The following RTN1 variants were observed in gnomAD, a reference collection of about 807,000 sequenced individuals.
RTN1 encodes reticulon 1.
In RTN1, 25 loss-of-function variants were observed where a neutral mutation model predicts 65.5. The observed-to-expected ratio is 0.38, with a 90% CI of 0.28 to 0.53. The LOEUF (loss-of-function observed/expected upper bound fraction) is 0.53. RTN1 is among the 20% of genes least tolerant of loss of function. RTN1 has a pLI of 0.79. For missense variants in RTN1, 983 were observed against 1,025.4 expected (o/e 0.96, Z 0.57); for synonymous variants, 471 against 447.6 (o/e 1.05, Z -0.66).
At chr14:59,693,895 G>T (rs763535761) in intron 3 of RTN1, among the ~76,000 whole-genome samples, 4 of 152,178 alleles carry the variant, frequency 2.6e-5, no homozygotes, top group Admixed American at 2.6e-4. Context: ...CACAATGGAT[G>T]AATGTGTTTA....
intron 1 of RTN1, among the ~76,000 whole-genome samples, chr14:59,808,812 C>A (rs1443780230): frequency 6.6e-6 from 1 of 152,000 alleles, no homozygotes; most frequent in African/African-American, 2.4e-5. Flanking sequence ...GTGGCACCTC[C>A]CCCTACTTTC....
chr14:59,832,805 T>C (rs1243942829), intron 1 of RTN1, among the ~76,000 whole-genome samples: 2 of 152,212 alleles, frequency 1.3e-5, no homozygotes, highest in Non-Finnish European at 2.9e-5. Flanking sequence ...CTGTGAAGGC[T>C]CTACAGTGAC....
At chr14:59,687,866 G>C (rs897039776) in intron 3 of RTN1, among the ~76,000 whole-genome samples, 6 of 152,062 alleles carry the variant, frequency 3.9e-5, no homozygotes, top group African/African-American at 1.4e-4. Flanking sequence ...CTCATGTGCA[G>C]AGATCTTGGT....
At chr14:59,664,215 G>T (rs564350433) in intron 3 of RTN1, among the ~76,000 whole-genome samples, 8 of 152,142 alleles carry the variant, frequency 5.3e-5, no homozygotes, top group Non-Finnish European at 1.0e-4. Context: ...ACTAACACAG[G>T]AACAGAAAAC....
At chr14:59,748,143 C>G (rs1885266593) in intron 1 of RTN1, among the ~76,000 whole-genome samples, 1 of 151,034 alleles carries the variant, frequency 6.6e-6, no homozygotes, top group Admixed American at 6.6e-5. Flanking sequence ...AGGATTCACA[C>G]CCAAGTAACC....
At chr14:59,720,679 G>A (rs1884628061) in intron 3 of RTN1, among the ~76,000 whole-genome samples, 2 of 149,928 alleles carry the variant, frequency 1.3e-5, no homozygotes, top group African/African-American at 2.5e-5. Context: ...CTGAGATCGC[G>A]CCACTGCACT....
intron 3 of RTN1, among the ~76,000 whole-genome samples, chr14:59,656,213 G>A (rs1431020696): frequency 6.6e-6 from 1 of 152,004 alleles, no homozygotes; most frequent in African/African-American, 2.4e-5. Context: ...GAGCTGGGAG[G>A]TGGGGGGAAT....
In RTN1 at chr14:59,846,119, C is replaced by T. The variant is rs1005574613; in HGVS notation, c.241+24271G>A. On this transcript the variant is annotated intron_variant, in intron 1 of 8. Transcript: ENST00000267484. This position sits in a 1 kb window ranked among gnomAD's most constrained non-coding sequence, Gnocchi z 4.8. ...TAGGTGGATCATTATAGGATGTCAA[C>T]CAGGTAGGAATTGAAGACAAGGTCA... Among the ~76,000 whole-genome samples, 4 of 152,024 alleles carry T rather than the reference C, an allele frequency of 2.6e-5. No individual in the cohort carries two copies. Among genetic ancestry groups the T allele is most frequent in the Non-Finnish European group, 5.9e-5 (4 of 68,008 alleles).
chr14:59,773,255 C>T (rs542773007), intron 1 of RTN1, among the ~76,000 whole-genome samples: 30 of 151,746 alleles, frequency 2.0e-4, no homozygotes, highest in Non-Finnish European at 3.5e-4. Flanking sequence ...GAAGTATTAC[C>T]GTGCCCAGTT....
chr14:59,625,808 G>GT (rs1882380923), intron 3 of RTN1, among the ~76,000 whole-genome samples: 1 of 151,914 alleles, frequency 6.6e-6, no homozygotes, highest in Non-Finnish European at 1.5e-5. Context: ...TCCTTAAAAA[G>GT]TTTTTCTTGA....
intron 2 of RTN1, among the ~76,000 whole-genome samples, chr14:59,736,567 G>A (rs1246751575): frequency 6.6e-6 from 1 of 151,882 alleles, no homozygotes; most frequent in African/African-American, 2.4e-5. Flanking sequence ...CCAGGACCAG[G>A]GACATTTACA....
chr14:59,723,395 A>T (rs1485821936), intron 3 of RTN1, among the ~76,000 whole-genome samples: 2 of 151,844 alleles, frequency 1.3e-5, no homozygotes, highest in East Asian at 3.9e-4. Flanking sequence ...TCACAAGGTC[A>T]GGAGATCAAG....
chr14:59,599,709 C>T (rs1403067125), intron 8 of RTN1, among the ~76,000 whole-genome samples: 1 of 152,160 alleles, frequency 6.6e-6, no homozygotes, highest in Non-Finnish European at 1.5e-5. Context: ...ATACACTGAT[C>T]TATTCTGAGT....
intron 3 of RTN1, among the ~76,000 whole-genome samples, chr14:59,698,462 G>A (rs971626424): frequency 3.9e-5 from 6 of 152,060 alleles, no homozygotes; most frequent in African/African-American, 1.2e-4. Context: ...ATCTCATCTT[G>A]AACTCCCACG....
chr14:59,737,053 A>G (rs1452513140), intron 2 of RTN1, among the ~76,000 whole-genome samples: 1 of 152,214 alleles, frequency 6.6e-6, no homozygotes, highest in Non-Finnish European at 1.5e-5. Context: ...CCCACTGCCA[A>G]TATCATACTA....
At chr14:59,850,273 C>G (rs1041081587) in intron 1 of RTN1, among the ~76,000 whole-genome samples, 1 of 152,202 alleles carries the variant, frequency 6.6e-6, no homozygotes, top group Non-Finnish European at 1.5e-5. Flanking sequence ...CAATGTATCT[C>G]AAACATTATA....
chr14:59,844,396 A>T (rs957857359), intron 1 of RTN1, among the ~76,000 whole-genome samples: 1 of 152,172 alleles, frequency 6.6e-6, no homozygotes, highest in Non-Finnish European at 1.5e-5. Context: ...TTGCCAATGC[A>T]CTCTGCTGTT....
At chr14:59,734,181 AAAAAACAACAAC>A (rs1884958827) in intron 2 of RTN1, among the ~76,000 whole-genome samples, 4 of 152,238 alleles carry the variant, frequency 2.6e-5, no homozygotes, top group Admixed American at 2.6e-4. Flanking sequence ...AAGAACAAAC[AAAAAACAACAAC>A]AAAAACAATA....
chr14:59,643,945 A>C (rs1049126561), intron 3 of RTN1, among the ~76,000 whole-genome samples: 7 of 152,230 alleles, frequency 4.6e-5, no homozygotes, highest in African/African-American at 7.2e-5. Flanking sequence ...TTTAGCAGAC[A>C]AAAACTTCAA....
Sources: gnomAD v4.1 joint callset for allele counts (sites outside exome capture counted in the v4.1 genomes callset) on GRCh38, gnomAD v4.1.1 for gene constraint, Gnocchi (gnomAD v3.1) non-coding constraint, MANE v1.5 for transcripts, NCBI Gene and HGNC (gene_info 2026-07-23, HGNC 2026-07-21) for gene names.